Variants in ZNF469 observed in about 807,000 individuals in gnomAD.
ZNF469 encodes zinc finger protein 469.
ZNF469 carries 1 observed loss-of-function variant against 1.0 expected under a neutral mutation model. That is an observed-to-expected ratio of 1.00 (90% CI 0.35 to 4.73). ZNF469 has a LOEUF of 4.73. ZNF469 is among the 30% of genes most tolerant of loss of function. The pLI, the probability that ZNF469 is intolerant of heterozygous loss-of-function variation, is 0.16. For synonymous variants in ZNF469, 2,703 were observed against 2,363.4 expected (o/e 1.14, Z -4.17); for missense variants, 6,100 against 5,356.3 (o/e 1.14, Z -4.33).
At chr16:88,344,900 G>A in the ZNF469 span, among the ~76,000 whole-genome samples, 1 of 152,302 alleles carries the variant, frequency 6.6e-6, no homozygotes, top group African/African-American at 2.4e-5. Flanking sequence ...TCCATCACCC[G>A]GCCTCTGGGA....
At chr16:88,356,654 G>A in the ZNF469 span, among the ~76,000 whole-genome samples, 3 of 152,224 alleles carry the variant, frequency 2.0e-5, no homozygotes, top group Non-Finnish European at 2.9e-5. Flanking sequence ...GGCCATGTCA[G>A]TGGAGAGGCC....
Position 88,437,456 on chromosome 16 carries a change from A to G in ZNF469, c.9986A>G (p.His3329Arg). The G allele has an allele frequency of 6.5e-7, 1 of 1,529,342 alleles. No individual in the cohort carries two copies. The highest frequency in any genetic ancestry group is 8.8e-7 in the Non-Finnish European group (1 of 1,134,084). 94.7% of individuals were successfully genotyped at this position (1,529,342 alleles called of 1,614,324 possible). A position where few individuals can be genotyped will look rare whatever the true frequency, so the allele number is the denominator to read the frequency against. ...CCCCTCCTGCAAGCCACCCCGGTGC[A>G]CGAGGCCTGCAAGGACCCCTCCCGC... is the stretch of plus-strand genomic sequence containing the variant. ...GEPLLQATPV[H>R]EACKDPSRDC... Residue 3329 changes from histidine (H) to arginine (R), a missense_variant, in exon 3 of 3, where the codon CAC (histidine) becomes CGC (arginine). Physicochemically the swap from His to Arg is conservative, Grantham distance 29. Coordinates refer to ENST00000565624, the MANE Select transcript of ZNF469 (RefSeq NM_001367624.2).
chr16:88,381,424 T>TCA (rs10641858), upstream of ZNF469, among the ~76,000 whole-genome samples: 5,409 of 150,918 alleles, frequency 0.036, 162 homozygotes, highest in Admixed American at 0.098. Flanking sequence ...ATGCACTCTC[T>TCA]CACACACACA....
At position 88,440,580 on chromosome 16, in the gene ZNF469, T is replaced by C. The variant is rs569382688; in HGVS notation, c.*1248T>C. 16 of 152,292 alleles carry C rather than the reference T, an allele frequency of 1.1e-4. No individual in the cohort carries two copies. Among genetic ancestry groups the C allele is most frequent in the African/African-American group, 3.6e-4 (15 of 41,558 alleles). The allele number at this position is 152,292 out of a possible 1,614,324, so 9.4% of individuals were successfully genotyped here. A position where few individuals can be genotyped will look rare whatever the true frequency, so the allele number is the denominator to read the frequency against. Reference sequence around the variant, plus strand: ...AATGTGTACGTCAAAAGTTTTTATTTTGATATTTGAAAGAGACCAAATCAG... The same window carrying C: ...AATGTGTACGTCAAAAGTTTTTATTCTGATATTTGAAAGAGACCAAATCAG... On this transcript the variant is annotated 3_prime_UTR_variant, in exon 3 of 3. Coordinates refer to ENST00000565624, the MANE Select transcript of ZNF469 (RefSeq NM_001367624.2).
the ZNF469 span, among the ~76,000 whole-genome samples, chr16:88,272,867 T>C: frequency 0.019 from 1,663 of 89,850 alleles, 48 homozygotes; most frequent in African/African-American, 0.069. Flanking sequence ...GATGGATGAA[T>C]GGGTGGGTGT....
At chr16:88,376,468 A>G in the ZNF469 span, among the ~76,000 whole-genome samples, 2 of 152,150 alleles carry the variant, frequency 1.3e-5, no homozygotes, top group Admixed American at 6.5e-5. Context: ...AGGCACTGCC[A>G]TTCCTTGGGC....
At chr16:88,247,240 G>GGTGAATGACTGA in the ZNF469 span, among the ~76,000 whole-genome samples, 3 of 147,472 alleles carry the variant, frequency 2.0e-5, no homozygotes, top group Admixed American at 6.7e-5. Context: ...GGGAGTGAAT[G>GGTGAATGACTGA]GTGAATGAGT....
At chr16:88,364,232 C>T in the ZNF469 span, among the ~76,000 whole-genome samples, 848 of 152,256 alleles carry the variant, frequency 5.6e-3, 9 homozygotes, top group African/African-American at 0.019. Context: ...ATTTCCCCTG[C>T]AATAATTCAT....
chr16:88,405,598 G>A (rs1313052774), intron 1 of ZNF469, among the ~76,000 whole-genome samples: 2 of 152,222 alleles, frequency 1.3e-5, no homozygotes, highest in Non-Finnish European at 1.5e-5. Flanking sequence ...CAGGTCCCCA[G>A]GGAAGTGAAC....
rs1336130214 is a variant in ZNF469, at chr16:88,439,092, ATCAGAG to A, written c.11623_11628del (p.Ser3875_Glu3876del). Reference sequence around the variant, plus strand: ...GCCAGAACAAACCCAGGCCGCCACCATCAGAGCAGCGGAAGGCAGAGCCGGGCCACA... The same window carrying A: ...GCCAGAACAAACCCAGGCCGCCACCACAGCGGAAGGCAGAGCCGGGCCACA... On this transcript the variant is annotated inframe_deletion, in exon 3 of 3. Transcript: ENST00000565624. The A allele has an allele frequency of 3.9e-6, 6 of 1,550,702 alleles. No individual in the cohort carries two copies. The African/African-American group carries it at 8.2e-5, about 21-fold the overall frequency.
the ZNF469 span, among the ~76,000 whole-genome samples, chr16:88,229,425 G>A: frequency 3.9e-5 from 6 of 152,232 alleles, no homozygotes; most frequent in African/African-American, 9.6e-5. Flanking sequence ...GAGGCTGCAC[G>A]AGGTTGGAGG....
the ZNF469 span, among the ~76,000 whole-genome samples, chr16:88,120,814 C>T: frequency 6.6e-5 from 10 of 152,238 alleles, no homozygotes; most frequent in Admixed American, 4.6e-4. Flanking sequence ...CCGGAGGAGA[C>T]GCCCGTGTCG....
chr16:88,186,911 C>T, the ZNF469 span, among the ~76,000 whole-genome samples: 2 of 151,974 alleles, frequency 1.3e-5, no homozygotes, highest in Non-Finnish European at 2.9e-5. Flanking sequence ...ATGCAGGACA[C>T]GCCGGAGACA....
At chr16:88,376,716 C>T in the ZNF469 span, among the ~76,000 whole-genome samples, 15 of 152,232 alleles carry the variant, frequency 9.9e-5, no homozygotes, top group African/African-American at 1.4e-4. Flanking sequence ...TGGGTTACCG[C>T]GGCAGATGGG....
the ZNF469 span, among the ~76,000 whole-genome samples, chr16:88,202,902 G>A: frequency 6.6e-6 from 1 of 152,160 alleles, no homozygotes; most frequent in African/African-American, 2.4e-5. Flanking sequence ...TTGAGGGCTG[G>A]AGGTGAGGGA....
chr16:88,315,694 A>G, the ZNF469 span, among the ~76,000 whole-genome samples: 2 of 151,920 alleles, frequency 1.3e-5, no homozygotes, highest in Non-Finnish European at 2.9e-5. Context: ...GGGAGGGAGG[A>G]CCCTCACTCA....
chr16:88,259,975 G>C, the ZNF469 span, among the ~76,000 whole-genome samples: 3 of 151,278 alleles, frequency 2.0e-5, no homozygotes, highest in Admixed American at 6.6e-5. The surrounding 1 kb of genome is among the most constrained non-coding windows in gnomAD (Gnocchi z 4.1). Flanking sequence ...CTTTTTTTTT[G>C]TTTTTTTGTT....
At position 88,431,574 on chromosome 16, in the gene ZNF469, T is replaced by C; in HGVS notation, c.4104T>C (p.Val1368=). The C allele has an allele frequency of 1.3e-6, 2 of 1,550,438 alleles. No individual in the cohort carries two copies. The highest frequency in any genetic ancestry group is 4.9e-5 in the East Asian group (2 of 40,924). ...GFNRDPLGVP[V]AKKGPQPYSS... ...ACAGAGACCCCTTGGGGGTTCCAGT[T>C]GCCAAAAAGGGGCCTCAGCCCTACA... The change falls in exon 3 of 3, where the codon GTT becomes GTC. Residue 1368 remains valine (V), a synonymous_variant. Transcript: ENST00000565624.
At chr16:88,298,435 G>A in the ZNF469 span, among the ~76,000 whole-genome samples, 5 of 152,216 alleles carry the variant, frequency 3.3e-5, no homozygotes, top group African/African-American at 9.6e-5. Flanking sequence ...AGAGAAGCCT[G>A]TTCAATCTGG....
Sources: allele counts gnomAD v4.1 joint callset (sites outside exome capture counted in the v4.1 genomes callset), GRCh38; gene constraint gnomAD v4.1.1; non-coding constraint Gnocchi (gnomAD v3.1); transcripts MANE v1.5; gene names NCBI Gene and HGNC (gene_info 2026-07-23, HGNC 2026-07-21).